The following GNB1 variants were observed in gnomAD, a reference collection of about 807,000 sequenced individuals.
The protein encoded by GNB1 is guanine nucleotide-binding protein G(I)/G(S)/G(T) subunit beta-1.
In GNB1, 2 loss-of-function variants were observed where a neutral mutation model predicts 42.9. That is an observed-to-expected ratio of 0.05 (90% CI 0.02 to 0.15). The LOEUF is 0.15. Among genes scored for constraint, GNB1 ranks in the 10% least tolerant of loss-of-function variants. The probability of loss-of-function intolerance (pLI) is 1.00; values close to 1 mark genes in which losing one functional copy is unlikely to be tolerated. For missense variants in GNB1, 193 were observed against 462.2 expected (o/e 0.42, Z 5.34); for synonymous variants, 183 against 174.7 (o/e 1.05, Z -0.38).
chr1:1,821,074 T>C (rs945917501), intron 3 of GNB1, among the ~76,000 whole-genome samples: 1 of 152,242 alleles, frequency 6.6e-6, no homozygotes, highest in African/African-American at 2.4e-5. Context: ...CACTCATCAG[T>C]TGATTTCTCA....
intron 5 of GNB1, among the ~76,000 whole-genome samples, chr1:1,813,033 C>T (rs1386828524): frequency 6.6e-6 from 1 of 152,160 alleles, no homozygotes; most frequent in Non-Finnish European, 1.5e-5. Context: ...CACTAACCTG[C>T]CTAATCTGCA....
intron 1 of GNB1, among the ~76,000 whole-genome samples, chr1:1,876,372 A>C (rs917196949): frequency 2.0e-5 from 3 of 151,968 alleles, no homozygotes; most frequent in Admixed American, 1.3e-4. Flanking sequence ...TGCAGCCTCG[A>C]ACTCCTGGGT....
intron 1 of GNB1, among the ~76,000 whole-genome samples, chr1:1,879,614 A>G (rs1377276207): frequency 1.3e-5 from 2 of 151,586 alleles, no homozygotes; most frequent in Non-Finnish European, 2.9e-5. Flanking sequence ...CTGAGGCAGG[A>G]GAATGGCGTG....
chr1:1,867,005 G>A (rs1482714532), intron 1 of GNB1, among the ~76,000 whole-genome samples: 1 of 152,064 alleles, frequency 6.6e-6, no homozygotes, highest in Non-Finnish European at 1.5e-5. Context: ...AGTGGCTCAC[G>A]CCTATAATCC....
chr1:1,810,075 A>AT (rs972465819), intron 5 of GNB1, among the ~76,000 whole-genome samples: 4 of 151,782 alleles, frequency 2.6e-5, no homozygotes, highest in African/African-American at 9.7e-5. Flanking sequence ...TCCACAAAAA[A>AT]ATATATATAT....
At position 1,881,420 on chromosome 1, in the gene GNB1, A is replaced by AT. The variant is rs532230482; in HGVS notation, c.-96+9399dup. ...CCTGGAGCTCTCGAGGTAAAAGTTC[A>AT]TTTTTTTCTTTTTTTTTGAGTCTCA... On this transcript the variant is annotated intron_variant, in intron 1 of 11. Transcript: ENST00000378609. Among the ~76,000 whole-genome samples, 411 of 125,136 alleles carry AT rather than the reference A, an allele frequency of 3.3e-3. 2 individuals are homozygous for AT. The highest frequency in any genetic ancestry group is 3.9e-3 in the African/African-American group (155 of 39,776). 82.1% of individuals were successfully genotyped at this position (125,136 alleles called of 152,430 possible).
Position 1,786,106 on chromosome 1 carries a change from A to C in GNB1, c.*957T>G, listed in dbSNP as rs1297668808. ...AAAGTCTGAGATCATTATTTTCAAA[A>C]CATTGATTTGTACATTGTTTCATAC... On this transcript the variant is annotated 3_prime_UTR_variant, in exon 12 of 12. Coordinates refer to ENST00000378609, the MANE Select transcript of GNB1 (RefSeq NM_002074.5). 1.3e-5 allele frequency: 5 copies of C among 398,466 alleles called. No individual in the cohort carries two copies. Among genetic ancestry groups the C allele is most frequent in the African/African-American group, 2.1e-5 (1 of 48,586 alleles). 24.7% of individuals were successfully genotyped at this position (398,466 alleles called of 1,614,324 possible). A position where few individuals can be genotyped will look rare whatever the true frequency, so the allele number is the denominator to read the frequency against.
At chr1:1,849,046 G>A (rs1251273354) in intron 1 of GNB1, among the ~76,000 whole-genome samples, 1 of 152,200 alleles carries the variant, frequency 6.6e-6, no homozygotes, top group African/African-American at 2.4e-5. Context: ...TAGACGGTTG[G>A]GGTTTGAAAC....
intron 1 of GNB1, among the ~76,000 whole-genome samples, chr1:1,869,450 G>C (rs1303393351): frequency 1.3e-5 from 2 of 152,136 alleles, no homozygotes; most frequent in Non-Finnish European, 2.9e-5. Context: ...TCTCTCAGGT[G>C]GGTGGGATGA....
At chr1:1,865,119 A>G (rs1443468037) in intron 1 of GNB1, among the ~76,000 whole-genome samples, 1 of 151,422 alleles carries the variant, frequency 6.6e-6, no homozygotes, top group Non-Finnish European at 1.5e-5. Flanking sequence ...AAAATTAGCC[A>G]GGCGTGGTGG....
chr1:1,853,779 T>C (rs1277530291), intron 1 of GNB1, among the ~76,000 whole-genome samples: 1 of 152,182 alleles, frequency 6.6e-6, no homozygotes, highest in African/African-American at 2.4e-5. Flanking sequence ...AGGCGGTCAC[T>C]GTGAGAAAAG....
At chr1:1,830,299 C>T (rs1647058075) in intron 2 of GNB1, among the ~76,000 whole-genome samples, 1 of 150,558 alleles carries the variant, frequency 6.6e-6, no homozygotes, top group Non-Finnish European at 1.5e-5. Flanking sequence ...CTTGCTCCGT[C>T]GCCCAGGCTG....
At chr1:1,799,253 GTGT>G (rs1646591833) in intron 7 of GNB1, among the ~76,000 whole-genome samples, 1 of 152,144 alleles carries the variant, frequency 6.6e-6, no homozygotes. Flanking sequence ...ATGTGTGTGT[GTGT>G]TTTTTTTAAA....
intron 1 of GNB1, among the ~76,000 whole-genome samples, chr1:1,856,046 G>A (rs1226829331): frequency 6.6e-6 from 1 of 152,144 alleles, no homozygotes; most frequent in African/African-American, 2.4e-5. Flanking sequence ...TTAAGAGATG[G>A]CGATCTTGCT....
chr1:1,826,468 T>C (rs911032797), intron 2 of GNB1, among the ~76,000 whole-genome samples: 4 of 152,008 alleles, frequency 2.6e-5, no homozygotes, highest in African/African-American at 9.7e-5. Context: ...CATGAAGACC[T>C]AGGGGAAGTT....
At chr1:1,823,385 T>C (rs1646958598) in intron 3 of GNB1, among the ~76,000 whole-genome samples, 1 of 152,152 alleles carries the variant, frequency 6.6e-6, no homozygotes, top group South Asian at 2.1e-4. Flanking sequence ...TTTGCTTTTC[T>C]TTTTTACTTG....
At chr1:1,871,968 C>A (rs1649273465) in intron 1 of GNB1, among the ~76,000 whole-genome samples, 1 of 152,110 alleles carries the variant, frequency 6.6e-6, no homozygotes, top group Non-Finnish European at 1.5e-5. Context: ...CCCCGACAAT[C>A]CATTTTTCAT....
At chr1:1,890,369 T>A (rs1000542327) in intron 1 of GNB1, 1 of 149,492 alleles carries the variant, frequency 6.7e-6, no homozygotes, top group Admixed American at 6.6e-5. Flanking sequence ...GTCACCCCGA[T>A]AGGCGGCCCG....
chr1:1,837,693 G>A (rs1262839745), intron 2 of GNB1, among the ~76,000 whole-genome samples: 1 of 151,394 alleles, frequency 6.6e-6, no homozygotes, highest in Non-Finnish European at 1.5e-5. Flanking sequence ...CTGAGTAGCT[G>A]GACTACAGGG....
Sources: allele counts gnomAD v4.1 joint callset (sites outside exome capture counted in the v4.1 genomes callset), GRCh38; gene constraint gnomAD v4.1.1; transcripts MANE v1.5; gene names NCBI Gene and HGNC (gene_info 2026-07-23, HGNC 2026-07-21).